CHEK2: variants seen among roughly 807,000 people sequenced by gnomAD.
CHEK2 encodes the protein checkpoint kinase 2, also known as serine/threonine-protein kinase Chk2.
Under a neutral mutation model 69.1 loss-of-function variants are expected in CHEK2, and 71 were observed. The observed-to-expected ratio is 1.03, with a 90% CI of 0.85 to 1.25. The LOEUF is 1.25. Ranked by LOEUF, CHEK2 falls within the 50% of genes most tolerant of loss-of-function variation. CHEK2 has a pLI of 0.00. For missense variants in CHEK2, 664 were observed against 649.6 expected (o/e 1.02, Z -0.24); for synonymous variants, 189 against 226.9 (o/e 0.83, Z 1.50).
rs17884403 is a variant in CHEK2 at position 28,687,879 on chromosome 22, G to T, written c.*18C>A. 13 of 1,576,006 alleles carry T rather than the reference G, an allele frequency of 8.2e-6. No individual in the cohort carries two copies. Among genetic ancestry groups the T allele is most frequent in the Non-Finnish European group, 1.1e-5 (13 of 1,162,064 alleles). On this transcript the variant is annotated 3_prime_UTR_variant, in exon 15 of 15. Coordinates refer to ENST00000404276, the MANE Select transcript of CHEK2 (RefSeq NM_007194.4). ...GAGTGAAAGAAGGTACATTTCTTTC[G>T]TGTTCAAACCACGGAGTTCACAACA...
intron 11 of CHEK2, among the ~76,000 whole-genome samples, 164 bp downstream of exon 11, chr22:28,695,546 A>G (rs541772829): frequency 2.6e-5 from 4 of 152,120 alleles, no homozygotes; most frequent in Admixed American, 6.6e-5. Flanking sequence ...AGTCCCAGCT[A>G]CTCGGGAGGC....
At chr22:28,724,229 A>T (rs1318748120) in intron 4 of CHEK2, among the ~76,000 whole-genome samples, 1 of 152,108 alleles carries the variant, frequency 6.6e-6, no homozygotes, top group Non-Finnish European at 1.5e-5. Context: ...AACACAGTGA[A>T]ACCCCGTCTC....
chr22:28,703,477 A>G (rs2145876183), intron 8 of CHEK2, 28 bp downstream of exon 8: 2 of 1,176,388 alleles, frequency 1.7e-6, no homozygotes, highest in Non-Finnish European at 2.5e-6. Flanking sequence ...GAATGGAAAC[A>G]GAAATTTTTA....
chr22:28,727,826 A>G (rs2054063927), intron 2 of CHEK2, among the ~76,000 whole-genome samples: 2 of 152,236 alleles, frequency 1.3e-5, no homozygotes, highest in South Asian at 4.1e-4. Context: ...TACCTATTAG[A>G]TTGGCAAAAA....
rs587782766 is a variant in CHEK2 at position 28,734,474 on chromosome 22, TG to T, written c.247del (p.Gln83LysfsTer27). The T allele has an allele frequency of 6.2e-6, 10 of 1,613,574 alleles. No individual in the cohort carries two copies. Among genetic ancestry groups the T allele is most frequent in the Non-Finnish European group, 8.5e-6 (10 of 1,179,766 alleles). On this transcript the variant is annotated frameshift_variant, in exon 2 of 15. Coordinates refer to ENST00000404276, the MANE Select transcript of CHEK2 (RefSeq NM_007194.4). LOFTEE classifies it high-confidence loss of function. ...SIPEDQEPEDQEPEEPTPAPW... is the reference protein window; with the variant it reads ...SIPEDQEPEDXEPEEPTPAPW... ...GGCAGGGGTAGGCTCCTCAGGTTCT[TG>T]GTCCTCAGGTTCTTGGTCCTCAGGA...
intron 13 of CHEK2, among the ~76,000 whole-genome samples, chr22:28,691,499 A>T (rs2145767442): frequency 6.6e-6 from 1 of 152,388 alleles, no homozygotes; most frequent in African/African-American, 2.4e-5. Flanking sequence ...ATAAATAAAT[A>T]AACATTGATT....
At chr22:28,734,814 G>GA in intron 1 of CHEK2, 87 bp from the exon 2 acceptor site, 6 of 918,380 alleles carry the variant, frequency 6.5e-6, no homozygotes, top group Admixed American at 2.8e-5. Context: ...TATTACAACA[G>GA]CAAAAGAAAA....
At chr22:28,704,121 G>GACACACAC (rs10565000) in intron 7 of CHEK2, among the ~76,000 whole-genome samples, 13 of 143,032 alleles carry the variant, frequency 9.1e-5, no homozygotes, top group East Asian at 4.2e-4. Flanking sequence ...GAGACAGACA[G>GACACACAC]ACACACACAC....
intron 2 of CHEK2, among the ~76,000 whole-genome samples, chr22:28,731,452 T>C (rs776989231): frequency 1.3e-5 from 2 of 151,704 alleles, no homozygotes; most frequent in Non-Finnish European, 2.9e-5. Flanking sequence ...ATACAGAACT[T>C]AGCCACGGTG....
intron 1 of CHEK2, among the ~76,000 whole-genome samples, chr22:28,737,618 C>T (rs1327020605): frequency 6.6e-6 from 1 of 151,936 alleles, no homozygotes; most frequent in African/African-American, 2.4e-5. Context: ...TACAGGCGCA[C>T]ACCACCATGC....
intron 1 of CHEK2, chr22:28,737,174 C>T: frequency 2.7e-6 from 1 of 374,942 alleles, no homozygotes; most frequent in Non-Finnish European, 5.5e-6. Flanking sequence ...TGCCTGAAAC[C>T]TCGCATAGTA....
intron 6 of CHEK2, among the ~76,000 whole-genome samples, chr22:28,710,456 G>A (rs2053353273): frequency 6.6e-6 from 1 of 152,072 alleles, no homozygotes; most frequent in Non-Finnish European, 1.5e-5. Context: ...TATTAGCTAT[G>A]GAACTATTTT....
At chr22:28,693,062 T>C (rs1013332420) in intron 13 of CHEK2, among the ~76,000 whole-genome samples, 1 of 152,144 alleles carries the variant, frequency 6.6e-6, no homozygotes, top group Non-Finnish European at 1.5e-5. Context: ...GGCAGTTCTT[T>C]ATAGCAGTGT....
intron 7 of CHEK2, chr22:28,708,970 A>AAAC: frequency 2.4e-6 from 1 of 418,752 alleles, no homozygotes; most frequent in African/African-American, 2.1e-5. Context: ...AAAAAAAAAA[A>AAAC]AAAACAAACA....
rs1170685633 is a variant in CHEK2 at position 28,701,724 on chromosome 22, C to A, written c.908+1781G>T. ...ACATTATCGCCACTGAAATAAACTA[C>A]CAAGACACTGAAAGATACTCAGGTG... On this transcript the variant is annotated intron_variant, in intron 8 of 14. Coordinates refer to ENST00000404276, the MANE Select transcript of CHEK2 (RefSeq NM_007194.4). Among the ~76,000 whole-genome samples the A allele has an allele frequency of 2.0e-5, 3 of 152,222 alleles. No homozygotes were observed. In the East Asian group the frequency reaches 5.8e-4, roughly 29 times the overall value.
At chr22:28,737,793 C>T (rs2054456097) in intron 1 of CHEK2, 1 of 152,956 alleles carries the variant, frequency 6.5e-6, no homozygotes, top group African/African-American at 2.4e-5. Flanking sequence ...TTGACTATTT[C>T]TTATGAATTT....
chr22:28,697,971 C>A (rs2052655894), intron 9 of CHEK2, among the ~76,000 whole-genome samples: 1 of 151,864 alleles, frequency 6.6e-6, no homozygotes, highest in Admixed American at 6.6e-5. Context: ...ATGGAATAAA[C>A]CAATAAGGGA....
chr22:28,707,541 T>G (rs1217859420), intron 7 of CHEK2, among the ~76,000 whole-genome samples: 1 of 152,164 alleles, frequency 6.6e-6, no homozygotes, highest in Non-Finnish European at 1.5e-5. Flanking sequence ...ACAAGACAAC[T>G]GGCATGACAA....
chr22:28,688,076 G>T (rs2052194717), intron 14 of CHEK2, 90 bp from the exon 15 acceptor site: 2 of 1,030,786 alleles, frequency 1.9e-6, no homozygotes, highest in African/African-American at 1.6e-5. Flanking sequence ...TTCCAGTAAA[G>T]TGGGGGCATT....
Sources: gnomAD v4.1 joint callset for allele counts (sites outside exome capture counted in the v4.1 genomes callset) on GRCh38, gnomAD v4.1.1 for gene constraint, MANE v1.5 for transcripts, NCBI Gene and HGNC (gene_info 2026-07-23, HGNC 2026-07-21) for gene names.